Variants in NRG3 observed in about 807,000 individuals in gnomAD.
NRG3 encodes the protein neuregulin 3.
Under a neutral mutation model 66.9 loss-of-function variants are expected in NRG3, and 31 were observed. That is an observed-to-expected ratio of 0.46 (90% confidence interval 0.35 to 0.63). The LOEUF (loss-of-function observed/expected upper bound fraction) is 0.63. Ranked by LOEUF, NRG3 falls within the 20% of genes least tolerant of loss-of-function variation. The pLI is 0.00. For synonymous variants in NRG3, 393 were observed against 359.4 expected (o/e 1.09, Z -1.06); for missense variants, 910 against 878.9 (o/e 1.04, Z -0.45).
intron 3 of NRG3, among the ~76,000 whole-genome samples, chr10:82,782,567 T>C (rs547802146): frequency 6.6e-6 from 1 of 152,200 alleles, no homozygotes; most frequent in African/African-American, 2.4e-5. Flanking sequence ...TTATAACAAA[T>C]ACCTGAAAAT....
intron 2 of NRG3, among the ~76,000 whole-genome samples, chr10:82,581,598 A>G (rs2046359540): frequency 6.6e-6 from 1 of 152,158 alleles, no homozygotes; most frequent in South Asian, 2.1e-4. Flanking sequence ...TTATTGTTCT[A>G]TGGGTATAGA....
intron 1 of NRG3, among the ~76,000 whole-genome samples, chr10:81,978,188 C>T (rs994339154): frequency 1.3e-5 from 2 of 152,064 alleles, no homozygotes; most frequent in African/African-American, 4.8e-5. Context: ...TTCCCCTTAC[C>T]CCTCCCAGCC....
At chr10:82,037,151 A>G (rs1437033539) in intron 1 of NRG3, among the ~76,000 whole-genome samples, 1 of 152,148 alleles carries the variant, frequency 6.6e-6, no homozygotes, top group Non-Finnish European at 1.5e-5. Flanking sequence ...CAGATCACAG[A>G]CATCACTTCT....
chr10:82,214,463 A>G (rs2075563249), intron 1 of NRG3, among the ~76,000 whole-genome samples: 1 of 151,716 alleles, frequency 6.6e-6, no homozygotes. Flanking sequence ...CATCACATCT[A>G]TTTCCACCCC....
At chr10:82,947,760 A>G (rs1178580010) in intron 4 of NRG3, among the ~76,000 whole-genome samples, 2 of 152,048 alleles carry the variant, frequency 1.3e-5, no homozygotes, top group African/African-American at 4.8e-5. Context: ...TTTTGCTCAC[A>G]TTTAAATTGG....
chr10:82,732,750 A>G (rs1056142969), intron 2 of NRG3, among the ~76,000 whole-genome samples: 1 of 152,254 alleles, frequency 6.6e-6, no homozygotes, highest in Non-Finnish European at 1.5e-5. Flanking sequence ...GGAGGCACAA[A>G]AAGGCAGAGC....
intron 2 of NRG3, among the ~76,000 whole-genome samples, chr10:82,669,517 C>T (rs1397460704): frequency 6.6e-6 from 1 of 152,054 alleles, no homozygotes; most frequent in Non-Finnish European, 1.5e-5. Flanking sequence ...CAGCAATTTG[C>T]AGGGTGAGAT....
At chr10:82,147,467 T>G (rs182567537) in intron 1 of NRG3, among the ~76,000 whole-genome samples, 1 of 152,322 alleles carries the variant, frequency 6.6e-6, no homozygotes, top group Admixed American at 6.5e-5. Context: ...TTGTTGAGAA[T>G]ACTCATTTCC....
chr10:82,720,309 G>A (rs1448697574), intron 2 of NRG3, among the ~76,000 whole-genome samples: 1 of 151,998 alleles, frequency 6.6e-6, no homozygotes, highest in Non-Finnish European at 1.5e-5. Context: ...AGAATCCCTT[G>A]AACCCGGGAG....
At chr10:82,709,463 C>T (rs977545694) in intron 2 of NRG3, among the ~76,000 whole-genome samples, 1 of 151,968 alleles carries the variant, frequency 6.6e-6, no homozygotes, top group Non-Finnish European at 1.5e-5. Flanking sequence ...CTCACTGCAA[C>T]CTCGGCTTCC....
intron 1 of NRG3, among the ~76,000 whole-genome samples, chr10:82,216,138 A>G (rs562841192): frequency 1.5e-3 from 224 of 151,262 alleles, no homozygotes; most frequent in African/African-American, 4.9e-3. Flanking sequence ...CACTGCCACT[A>G]CTGGCTAATT....
chr10:82,403,408 A>G (rs2087260952), intron 2 of NRG3, among the ~76,000 whole-genome samples: 1 of 152,170 alleles, frequency 6.6e-6, no homozygotes, highest in Non-Finnish European at 1.5e-5. Flanking sequence ...AGATTCATTA[A>G]TTGGCAACAG....
chr10:82,220,670 A>G (rs1207854578), intron 1 of NRG3, among the ~76,000 whole-genome samples: 1 of 152,210 alleles, frequency 6.6e-6, no homozygotes, highest in Non-Finnish European at 1.5e-5. Context: ...TACATGCCAT[A>G]TAACTATTTT....
In NRG3 at chr10:82,493,775, C is replaced by T. The variant is rs1029786660; in HGVS notation, c.953+134907C>T. On this transcript the variant is annotated intron_variant, in intron 2 of 8. Coordinates refer to ENST00000372141, the MANE Select transcript of NRG3 (RefSeq NM_001010848.4). ...ATCTCATTACATTAAGTAGCTTCTG[C>T]ACAGCAAAAGAAACTATCATCAGAG... Among the ~76,000 whole-genome samples the T allele has an allele frequency of 7.9e-5, 12 of 152,152 alleles. 1 individual carries two copies. Among genetic ancestry groups the T allele is most frequent in the African/African-American group, 2.4e-4 (10 of 41,428 alleles).
intron 5 of NRG3, among the ~76,000 whole-genome samples, chr10:82,955,033 G>A (rs535210944): frequency 8.6e-5 from 13 of 151,976 alleles, no homozygotes; most frequent in Admixed American, 7.2e-4. Context: ...ACCTCCATTC[G>A]ATACACTGGG....
intron 2 of NRG3, among the ~76,000 whole-genome samples, chr10:82,625,866 G>A (rs907895409): frequency 2.0e-5 from 3 of 152,118 alleles, no homozygotes. Context: ...GGAAAAATGG[G>A]CATTTCACAT....
intron 1 of NRG3, among the ~76,000 whole-genome samples, chr10:82,249,415 A>T (rs2077386490): frequency 6.6e-6 from 1 of 152,164 alleles, no homozygotes; most frequent in South Asian, 2.1e-4. Context: ...GAGGGTACTT[A>T]TGGAGATTCT....
At chr10:82,409,521 T>C (rs2087885698) in intron 2 of NRG3, among the ~76,000 whole-genome samples, 1 of 152,134 alleles carries the variant, frequency 6.6e-6, no homozygotes. Context: ...GTAGTCAACA[T>C]TCTTTCATGA....
At chr10:82,785,526 G>A (rs1364018000) in intron 3 of NRG3, among the ~76,000 whole-genome samples, 1 of 152,034 alleles carries the variant, frequency 6.6e-6, no homozygotes, top group East Asian at 1.9e-4. Flanking sequence ...TTGTAAATTA[G>A]GAATAGGGTA....
Sources: allele counts gnomAD v4.1 joint callset (sites outside exome capture counted in the v4.1 genomes callset), GRCh38; gene constraint gnomAD v4.1.1; transcripts MANE v1.5; gene names NCBI Gene and HGNC (gene_info 2026-07-23, HGNC 2026-07-21).